PDIA3: variants seen among roughly 807,000 people sequenced by gnomAD.
PDIA3 encodes the protein protein disulfide-isomerase A3.
In PDIA3, 16 loss-of-function variants were observed where a neutral mutation model predicts 56.9. The observed-to-expected ratio is 0.28, with a 90% CI of 0.19 to 0.43. The LOEUF (loss-of-function observed/expected upper bound fraction) is 0.43. PDIA3 is among the 20% of genes least tolerant of loss of function. PDIA3 has a pLI of 1.00. For synonymous variants in PDIA3, 192 were observed against 216.5 expected (o/e 0.89, Z 0.99); for missense variants, 485 against 621.3 (o/e 0.78, Z 2.33).
intron 1 of PDIA3, 148 bp downstream of exon 1, chr15:43,746,854 G>A: frequency 1.1e-6 from 1 of 907,214 alleles, no homozygotes; most frequent in Non-Finnish European, 1.7e-6. Flanking sequence ...CCCGGGAGCT[G>A]GAGGCGCCTC....
intron 3 of PDIA3, among the ~76,000 whole-genome samples, chr15:43,760,172 C>T (rs1014064268): frequency 6.6e-6 from 1 of 152,038 alleles, no homozygotes; most frequent in East Asian, 1.9e-4. Flanking sequence ...AGGTGGTTTG[C>T]TTGAGCCTAG....
At chr15:43,748,532 A>C (rs2086722206) in intron 1 of PDIA3, among the ~76,000 whole-genome samples, 1 of 152,012 alleles carries the variant, frequency 6.6e-6, no homozygotes, top group South Asian at 2.1e-4. Flanking sequence ...TTCCTACTTT[A>C]AATTGTTACA....
chr15:43,761,449 G>C lies in PDIA3; in HGVS notation c.390G>C (p.Lys130Asn), dbSNP rs543412569. The C allele has an allele frequency of 4.4e-6, 7 of 1,597,956 alleles. No individual in the cohort carries two copies. The South Asian group carries it at 7.8e-5, about 18-fold the overall frequency. ...TADGIVSHLK[K>N]QAGPASVPLR... The stretch of plus-strand genomic sequence containing the variant: ...ATGGAATTGTCAGCCACTTGAAGAA[G>C]CAGGCAGGACCAGCTTCAGTGCCTC... Residue 130 changes from lysine (K) to asparagine (N), a missense_variant, in exon 4 of 13, where the codon AAG (lysine) becomes AAC (asparagine). Transcript: ENST00000300289.
chr15:43,756,616 A>C (rs369048042), intron 2 of PDIA3, 33 bp from the exon 3 acceptor site: 10 of 1,229,168 alleles, frequency 8.1e-6, no homozygotes, highest in East Asian at 4.6e-5. Flanking sequence ...AGAAACTTGG[A>C]TAAGAAAATA....
At chr15:43,765,715 T>C in intron 6 of PDIA3, 149 bp downstream of exon 6, 2 of 847,788 alleles carry the variant, frequency 2.4e-6, no homozygotes, top group Non-Finnish European at 3.9e-6. Flanking sequence ...AAAGCAGTAA[T>C]GTGTGGGTGT....
At chr15:43,756,293 C>T (rs909169958) in intron 2 of PDIA3, among the ~76,000 whole-genome samples, 2 of 152,160 alleles carry the variant, frequency 1.3e-5, no homozygotes, top group Admixed American at 1.3e-4. Context: ...TGGTGATAGT[C>T]GTAATCAAAG....
chr15:43,748,799 C>A (rs1353174161), intron 1 of PDIA3, among the ~76,000 whole-genome samples: 1 of 147,662 alleles, frequency 6.8e-6, no homozygotes, highest in Non-Finnish European at 1.5e-5. Context: ...GATGGAGTCT[C>A]GCTTTGTTGC....
chr15:43,765,486 C>G lies in PDIA3; in HGVS notation c.639C>G (p.Asn213Lys). ...TATTTCGTCCTTCACATCTCACTAA[C>G]AAGTTTGAGGACAAGACTGTGGCAT... is the stretch of plus-strand genomic sequence containing the variant. ...IILFRPSHLT[N>K]KFEDKTVAYT... The change falls in exon 6 of 13, where the codon AAC becomes AAG. Residue 213 changes from asparagine (N) to lysine (K), a missense_variant. Physicochemically the swap from Asn to Lys is moderately conservative, Grantham distance 94. Transcript: ENST00000300289. 1 of 1,609,230 alleles carries G rather than the reference C, an allele frequency of 6.2e-7. No individual in the cohort carries two copies. Among genetic ancestry groups the G allele is most frequent in the Non-Finnish European group, 8.5e-7 (1 of 1,176,624 alleles).
chr15:43,770,710 C>G (rs946681579), intron 12 of PDIA3, 130 bp downstream of exon 12: 34 of 697,030 alleles, frequency 4.9e-5, no homozygotes, highest in Non-Finnish European at 7.7e-5. Flanking sequence ...CTCTTGTTGC[C>G]TGGGCTGGAG....
chr15:43,771,384 C>T lies in PDIA3; in HGVS notation c.*166C>T, dbSNP rs1399349292. 5 of 490,750 alleles carry T rather than the reference C, an allele frequency of 1.0e-5. No homozygotes were observed. Among genetic ancestry groups the T allele is most frequent in the Non-Finnish European group, 1.8e-5 (5 of 280,652 alleles). 30.4% of individuals were successfully genotyped at this position (490,750 alleles called of 1,614,324 possible). A position where few individuals can be genotyped will look rare whatever the true frequency, so the allele number is the denominator to read the frequency against. ...TTTTCTCTAAACTGTTTCTTAGCTG[C>T]ACTGTTTATGGAAATACCAGGACCA... On this transcript the variant is annotated 3_prime_UTR_variant, in exon 13 of 13. Coordinates refer to ENST00000300289, the MANE Select transcript of PDIA3 (RefSeq NM_005313.5).
At position 43,773,165 on chromosome 15, in the gene PDIA3, T is replaced by C. The variant is rs1345600979; in HGVS notation, c.*1947T>C. ...AAACTCCAGGATGAGACCTTTAATG[T>C]GGGACAATTTCTGGTGAAGGTACTC... On this transcript the variant is annotated 3_prime_UTR_variant, in exon 13 of 13. Coordinates refer to ENST00000300289, the MANE Select transcript of PDIA3 (RefSeq NM_005313.5). 2 of 1,613,944 alleles carry C rather than the reference T, an allele frequency of 1.2e-6. No homozygotes were observed. Among genetic ancestry groups the C allele is most frequent in the Non-Finnish European group, 1.7e-6 (2 of 1,179,976 alleles).
In PDIA3 at chr15:43,771,205, A is replaced by G; in HGVS notation, c.1505A>G (p.Gln502Arg). The stretch of plus-strand genomic sequence containing the variant: ...AAACCCAAGAAGAAGAAGAAGGCAC[A>G]GGAGGATCTCTAAAGCAGTAGCCAA... ...EEKPKKKKKAQEDL is the reference protein window; with the variant it reads ...EEKPKKKKKAREDL The change falls in exon 13 of 13, where the codon CAG becomes CGG. Residue 502 changes from glutamine (Q) to arginine (R), a missense_variant. Coordinates refer to ENST00000300289, the MANE Select transcript of PDIA3 (RefSeq NM_005313.5). 2 of 1,607,874 alleles carry G rather than the reference A, an allele frequency of 1.2e-6. No individual in the cohort carries two copies. Among genetic ancestry groups the G allele is most frequent in the Non-Finnish European group, 1.7e-6 (2 of 1,176,112 alleles).
intron 1 of PDIA3, among the ~76,000 whole-genome samples, chr15:43,753,394 T>C (rs2086757388): frequency 6.6e-6 from 1 of 152,178 alleles, no homozygotes; most frequent in Non-Finnish European, 1.5e-5. Context: ...ACCACAATGC[T>C]GGTTTCCCAG....
intron 2 of PDIA3, 138 bp downstream of exon 2, chr15:43,754,040 C>T (rs2086761196): frequency 3.0e-6 from 2 of 657,404 alleles, no homozygotes; most frequent in Non-Finnish European, 5.4e-6. Context: ...TACTCTTATT[C>T]TGCTAAGAAG....
intron 1 of PDIA3, among the ~76,000 whole-genome samples, chr15:43,748,243 C>A (rs1345245049): frequency 6.6e-6 from 1 of 152,072 alleles, no homozygotes; most frequent in Admixed American, 6.6e-5. Context: ...TTTGGGAGGC[C>A]GAGGCAGGCG....
rs10162925 is a variant in PDIA3 at position 43,755,124 on chromosome 15, G to A, written c.246+1222G>A. On this transcript the variant is annotated intron_variant, in intron 2 of 12. Coordinates refer to ENST00000300289, the MANE Select transcript of PDIA3 (RefSeq NM_005313.5). Reference sequence around the variant, plus strand: ...GCGGATCACCTGAGGTCAAGAGTTCGAGACCCGCCTGGCCAACATGGTGAA... The same window carrying A: ...GCGGATCACCTGAGGTCAAGAGTTCAAGACCCGCCTGGCCAACATGGTGAA... Among the ~76,000 whole-genome samples the A allele has an allele frequency of 2.9e-3, 447 of 152,012 alleles. 1 individual carries two copies. The highest frequency in any genetic ancestry group is 1.0e-2 in the African/African-American group (414 of 41,446).
At chr15:43,753,266 C>T (rs1374886654) in intron 1 of PDIA3, among the ~76,000 whole-genome samples, 12 of 152,088 alleles carry the variant, frequency 7.9e-5, no homozygotes, top group African/African-American at 2.4e-4. Flanking sequence ...TCAGTAGAGA[C>T]GGGGTTTCAC....
chr15:43,749,387 C>A (rs2086729447), intron 1 of PDIA3, among the ~76,000 whole-genome samples: 1 of 152,188 alleles, frequency 6.6e-6, no homozygotes, highest in Non-Finnish European at 1.5e-5. Flanking sequence ...CCTAGCCTGG[C>A]CTCTGTATTT....
Position 43,761,510 on chromosome 15 carries a change from G to A in PDIA3, c.451G>A (p.Asp151Asn). 1 of 1,559,590 alleles carries A rather than the reference G, an allele frequency of 6.4e-7. No individual in the cohort carries two copies. Among genetic ancestry groups the A allele is most frequent in the East Asian group, 2.3e-5 (1 of 44,264 alleles). Reference protein sequence around the residue: ...TEEEFKKFISDKDASIVGFFD... With the variant: ...TEEEFKKFISNKDASIVGFFD... ...GGAAGAATTTAAGAAATTCATTAGT[G>A]ATAAAGATGCCTCTATAGTAGGTAA... The change falls in exon 4 of 13, where the codon GAT becomes AAT. Residue 151 changes from aspartate (D) to asparagine (N), a missense_variant. Asp to Asn is a conservative substitution (Grantham distance 23). Coordinates refer to ENST00000300289, the MANE Select transcript of PDIA3 (RefSeq NM_005313.5).
Sources: allele counts gnomAD v4.1 joint callset (sites outside exome capture counted in the v4.1 genomes callset), GRCh38; gene constraint gnomAD v4.1.1; transcripts MANE v1.5; gene names NCBI Gene and HGNC (gene_info 2026-07-23, HGNC 2026-07-21).